The following SPAG16 variants were observed in gnomAD, a reference collection of about 807,000 sequenced individuals.
SPAG16 encodes sperm associated antigen 16.
Under a neutral mutation model 80.4 loss-of-function variants are expected in SPAG16, and 86 were observed. The ratio of observed to expected loss-of-function variants is 1.07; its 90% CI spans 0.90 to 1.28. The LOEUF is 1.28. Ranked by LOEUF, SPAG16 falls within the 50% of genes most tolerant of loss-of-function variation. SPAG16 has a pLI of 0.00. For synonymous variants in SPAG16, 294 were observed against 265.9 expected, an observed-to-expected ratio of 1.11 and a Z score of -1.03; for missense variants, 870 against 765.3, an observed-to-expected ratio of 1.14 and a Z score of -1.61.
At chr2:214,200,246 T>C (rs1180712455) in intron 15 of SPAG16, among the ~76,000 whole-genome samples, 1 of 152,186 alleles carries the variant, frequency 6.6e-6, no homozygotes, top group Non-Finnish European at 1.5e-5. Flanking sequence ...CTTTTATTAC[T>C]CGAAGGTAAG....
chr2:214,032,417 G>A (rs1263997274), intron 13 of SPAG16, among the ~76,000 whole-genome samples: 1 of 152,084 alleles, frequency 6.6e-6, no homozygotes, highest in Non-Finnish European at 1.5e-5. Context: ...AATCATTTTT[G>A]TCAATAGTTA....
At chr2:213,681,080 C>A (rs1453421843) in intron 10 of SPAG16, among the ~76,000 whole-genome samples, 1 of 152,042 alleles carries the variant, frequency 6.6e-6, no homozygotes, top group East Asian at 1.9e-4. Context: ...TCTTATCAGA[C>A]CTAAAAGGGT....
intron 10 of SPAG16, among the ~76,000 whole-genome samples, chr2:213,671,031 A>T (rs2063794959): frequency 6.6e-6 from 1 of 152,250 alleles, no homozygotes; most frequent in Admixed American, 6.5e-5. Flanking sequence ...TATGCAAATT[A>T]TTCATTGCTA....
chr2:213,849,958 C>T (rs549750444), intron 10 of SPAG16, among the ~76,000 whole-genome samples: 9 of 152,110 alleles, frequency 5.9e-5, no homozygotes, highest in African/African-American at 1.2e-4. Context: ...TAAAGAAGTG[C>T]GGTGATTTAG....
chr2:213,785,198 G>A (rs1283016153), intron 10 of SPAG16, among the ~76,000 whole-genome samples: 3 of 151,938 alleles, frequency 2.0e-5, no homozygotes, highest in Admixed American at 1.3e-4. Flanking sequence ...TTTTTTACAT[G>A]GACAAATACG....
chr2:213,572,318 G>T (rs368864028), intron 10 of SPAG16, among the ~76,000 whole-genome samples: 33 of 85,400 alleles, frequency 3.9e-4, no homozygotes, highest in Non-Finnish European at 6.7e-4. Flanking sequence ...GGCGCTCTGC[G>T]TTTTAGAGTT....
At chr2:213,897,193 A>G (rs922968845) in intron 11 of SPAG16, among the ~76,000 whole-genome samples, 25 of 152,194 alleles carry the variant, frequency 1.6e-4, no homozygotes, top group African/African-American at 5.8e-4. Context: ...GAAACTATGT[A>G]CATATGTTAT....
chr2:214,354,582 C>A (rs1698649702), intron 15 of SPAG16, among the ~76,000 whole-genome samples: 2 of 152,090 alleles, frequency 1.3e-5, no homozygotes. Flanking sequence ...CTATAAATTA[C>A]CTTGAGCAGT....
chr2:213,530,410 C>G (rs908533399), intron 10 of SPAG16, among the ~76,000 whole-genome samples: 37 of 152,306 alleles, frequency 2.4e-4, no homozygotes, highest in African/African-American at 8.2e-4. Context: ...ATAGTATATA[C>G]TGTTCATCAT....
At chr2:213,998,973 G>A (rs2046659485) in intron 12 of SPAG16, among the ~76,000 whole-genome samples, 1 of 152,128 alleles carries the variant, frequency 6.6e-6, no homozygotes. Flanking sequence ...TGCTGTTAAA[G>A]GCATTCAGTT....
At chr2:213,699,806 T>C (rs544613573) in intron 10 of SPAG16, among the ~76,000 whole-genome samples, 1 of 152,324 alleles carries the variant, frequency 6.6e-6, no homozygotes, top group South Asian at 2.1e-4. Context: ...TCATTGTCTT[T>C]CTGGATCTTT....
intron 13 of SPAG16, among the ~76,000 whole-genome samples, chr2:214,042,627 T>C (rs1485957278): frequency 1.3e-5 from 2 of 152,178 alleles, no homozygotes; most frequent in Non-Finnish European, 2.9e-5. Context: ...TTTCCTAAGA[T>C]TGAAACTTTG....
At chr2:213,921,012 T>C (rs949757225) in intron 11 of SPAG16, among the ~76,000 whole-genome samples, 1 of 152,212 alleles carries the variant, frequency 6.6e-6, no homozygotes, top group African/African-American at 2.4e-5. Context: ...CCCATTCCTT[T>C]GGAGTTGTTG....
At chr2:214,059,271 T>A (rs940420954) in intron 13 of SPAG16, among the ~76,000 whole-genome samples, 1 of 146,692 alleles carries the variant, frequency 6.8e-6, no homozygotes, top group Non-Finnish European at 1.5e-5. Context: ...TATATATATA[T>A]ATATAATCAA....
At chr2:213,318,731 T>C (rs2063503537) in intron 5 of SPAG16, among the ~76,000 whole-genome samples, 1 of 152,000 alleles carries the variant, frequency 6.6e-6, no homozygotes, top group African/African-American at 2.4e-5. Context: ...AGCCTTGACT[T>C]TCCTCAATGC....
chr2:214,398,588 C>T (rs1366144087), intron 15 of SPAG16, among the ~76,000 whole-genome samples: 1 of 152,134 alleles, frequency 6.6e-6, no homozygotes, highest in Non-Finnish European at 1.5e-5. Flanking sequence ...TGGAGAGAGG[C>T]TGAATAAAGA....
chr2:213,369,198 T>A (rs2066497996), intron 8 of SPAG16, among the ~76,000 whole-genome samples: 1 of 152,204 alleles, frequency 6.6e-6, no homozygotes, highest in South Asian at 2.1e-4. Flanking sequence ...AGCCTATCTG[T>A]ACAGCAGGAA....
At chr2:214,138,677 T>C (rs764773683) in intron 14 of SPAG16, among the ~76,000 whole-genome samples, 6 of 152,158 alleles carry the variant, frequency 3.9e-5, no homozygotes, top group Non-Finnish European at 7.4e-5. Context: ...TATTAGTTTC[T>C]TTATTGTACT....
intron 10 of SPAG16, among the ~76,000 whole-genome samples, chr2:213,654,780 T>C (rs1378021635): frequency 6.6e-6 from 1 of 151,798 alleles, no homozygotes; most frequent in African/African-American, 2.4e-5. Flanking sequence ...ACAGCAGTTC[T>C]CCTACAACTA....
Sources: allele counts gnomAD v4.1 joint callset (sites outside exome capture counted in the v4.1 genomes callset), GRCh38; gene constraint gnomAD v4.1.1; transcripts MANE v1.5; gene names NCBI Gene and HGNC (gene_info 2026-07-23, HGNC 2026-07-21).